The following ABTB3 variants were observed in gnomAD, a reference collection of about 807,000 sequenced individuals.
The protein encoded by ABTB3 is ankyrin repeat and BTB domain containing 3.
the ABTB3 span, among the ~76,000 whole-genome samples, chr12:107,406,134 G>A: frequency 6.6e-6 from 1 of 152,154 alleles, no homozygotes; most frequent in Non-Finnish European, 1.5e-5. Context: ...AACAGGCTGG[G>A]CACACGGTTG....
chr12:107,435,486 C>T, the ABTB3 span, among the ~76,000 whole-genome samples: 2 of 152,242 alleles, frequency 1.3e-5, no homozygotes, highest in African/African-American at 2.4e-5. Flanking sequence ...TCTTGCTTCT[C>T]TGCTCTGGGA....
At chr12:107,466,772 G>A in the ABTB3 span, among the ~76,000 whole-genome samples, 1 of 152,094 alleles carries the variant, frequency 6.6e-6, no homozygotes, top group Non-Finnish European at 1.5e-5. Context: ...TAGGAACTGT[G>A]CTGCTTTGAG....
the ABTB3 span, among the ~76,000 whole-genome samples, chr12:107,430,970 A>G: frequency 6.6e-6 from 1 of 152,242 alleles, no homozygotes. Flanking sequence ...TTTAAAGATT[A>G]TGTTTACTTT....
At chr12:107,615,428 G>T in the ABTB3 span, among the ~76,000 whole-genome samples, 1 of 152,176 alleles carries the variant, frequency 6.6e-6, no homozygotes, top group Admixed American at 6.5e-5. Flanking sequence ...TGGTTGCTCT[G>T]GGGTGGGGCT....
At chr12:107,520,666 T>C in the ABTB3 span, 6 of 1,612,614 alleles carry the variant, frequency 3.7e-6, no homozygotes, top group African/African-American at 8.0e-5. Context: ...CCAGCTCTCA[T>C]GCCTCAAGAC....
the ABTB3 span, among the ~76,000 whole-genome samples, chr12:107,632,849 T>G: frequency 5.3e-5 from 8 of 152,208 alleles, no homozygotes; most frequent in African/African-American, 1.9e-4. Context: ...TGCTGACTGT[T>G]GGTGTCACAC....
chr12:107,361,574 C>T, the ABTB3 span, among the ~76,000 whole-genome samples: 3 of 152,012 alleles, frequency 2.0e-5, no homozygotes, highest in Non-Finnish European at 4.4e-5. Flanking sequence ...GGATTTGATC[C>T]CCCAGTTCAT....
chr12:107,577,438 C>A, the ABTB3 span, among the ~76,000 whole-genome samples: 1 of 152,142 alleles, frequency 6.6e-6, no homozygotes, highest in African/African-American at 2.4e-5. Context: ...ACTCCCCAGC[C>A]AAACTCCTTT....
the ABTB3 span, among the ~76,000 whole-genome samples, chr12:107,473,946 C>T: frequency 6.6e-6 from 1 of 151,638 alleles, no homozygotes; most frequent in African/African-American, 2.4e-5. Context: ...TCACACTTGG[C>T]TAATTTTTTG....
At chr12:107,498,724 A>T in the ABTB3 span, among the ~76,000 whole-genome samples, 1 of 152,072 alleles carries the variant, frequency 6.6e-6, no homozygotes, top group Non-Finnish European at 1.5e-5. Flanking sequence ...CACCTAGAAA[A>T]CCCAGGATAC....
At chr12:107,319,416 A>C in the ABTB3 span, 1 of 1,605,224 alleles carries the variant, frequency 6.2e-7, no homozygotes, top group Non-Finnish European at 8.5e-7. Flanking sequence ...AAGTGCACCA[A>C]GTACGAGATC....
At chr12:107,621,687 A>G in the ABTB3 span, among the ~76,000 whole-genome samples, 3 of 152,190 alleles carry the variant, frequency 2.0e-5, no homozygotes, top group Non-Finnish European at 2.9e-5. Flanking sequence ...AGACTGAGAA[A>G]TGGAACACGA....
the ABTB3 span, among the ~76,000 whole-genome samples, chr12:107,432,967 G>T: frequency 2.0e-5 from 3 of 152,230 alleles, no homozygotes; most frequent in East Asian, 5.8e-4. Flanking sequence ...TCTTCTTCAC[G>T]GCAGGGCAGG....
the ABTB3 span, among the ~76,000 whole-genome samples, chr12:107,445,030 G>A: frequency 3.9e-5 from 6 of 152,184 alleles, no homozygotes; most frequent in South Asian, 2.1e-4. Context: ...ATCGCTGACC[G>A]CTTTGCCTCT....
the ABTB3 span, among the ~76,000 whole-genome samples, chr12:107,382,105 G>A: frequency 1.3e-5 from 2 of 152,108 alleles, no homozygotes; most frequent in African/African-American, 2.4e-5. Flanking sequence ...AGAACAAATT[G>A]GCCAGCAATA....
At chr12:107,618,033 C>A in the ABTB3 span, 1 of 812,602 alleles carries the variant, frequency 1.2e-6, no homozygotes, top group Non-Finnish European at 1.9e-6. Context: ...AAAGTGCCAC[C>A]CATTGATCTT....
At chr12:107,471,965 A>G in the ABTB3 span, among the ~76,000 whole-genome samples, 1 of 152,292 alleles carries the variant, frequency 6.6e-6, no homozygotes, top group African/African-American at 2.4e-5. Flanking sequence ...ATGAAACCCA[A>G]GGAAGGGTAA....
the ABTB3 span, among the ~76,000 whole-genome samples, chr12:107,403,416 T>C: frequency 5.9e-5 from 9 of 152,158 alleles, no homozygotes; most frequent in South Asian, 1.9e-3. Context: ...TAAAGCTTCC[T>C]ACCAGCTACT....
At chr12:107,406,901 G>A in the ABTB3 span, among the ~76,000 whole-genome samples, 3 of 152,176 alleles carry the variant, frequency 2.0e-5, no homozygotes, top group East Asian at 1.9e-4. Flanking sequence ...CTCACACTGT[G>A]TTCCTCTAGG....
Sources: allele counts gnomAD v4.1 joint callset (sites outside exome capture counted in the v4.1 genomes callset), GRCh38; gene constraint gnomAD v4.1.1; transcripts MANE v1.5; gene names NCBI Gene and HGNC (gene_info 2026-07-23, HGNC 2026-07-21).